Variants in ARMH3 observed in about 807,000 individuals in gnomAD.
The protein encoded by ARMH3 is armadillo like helical domain containing 3.
A neutral mutation model predicts 99.1 loss-of-function variants in ARMH3; 60 were observed. The observed-to-expected ratio is 0.61, with a 90% CI of 0.49 to 0.75. The LOEUF is 0.75. ARMH3 is among the 30% of genes least tolerant of loss of function. The probability of loss-of-function intolerance (pLI) is 0.00; values close to 1 mark genes in which losing one functional copy is unlikely to be tolerated. For synonymous variants in ARMH3, 285 were observed against 292.8 expected (o/e 0.97, Z 0.27); for missense variants, 679 against 843.1 (o/e 0.81, Z 2.41).
At chr10:101,993,627 T>C in intron 16 of ARMH3, 24 bp from the exon 17 acceptor site, 1 of 1,491,556 alleles carries the variant, frequency 6.7e-7, no homozygotes, top group Non-Finnish European at 9.2e-7. Flanking sequence ...AGAGAAAAAG[T>C]AAGAAGCGAG....
At chr10:101,943,661 A>G (rs1844341128) in intron 22 of ARMH3, among the ~76,000 whole-genome samples, 1 of 152,196 alleles carries the variant, frequency 6.6e-6, no homozygotes. Flanking sequence ...AAACATATGA[A>G]CCATAAGAAA....
intron 20 of ARMH3, among the ~76,000 whole-genome samples, chr10:101,974,503 C>T (rs376989428): frequency 1.4e-4 from 21 of 152,166 alleles, no homozygotes; most frequent in Non-Finnish European, 2.6e-4. Context: ...CATGTCTCCT[C>T]TGCTTTCCTG....
At chr10:102,017,054 C>G (rs925285256) in intron 8 of ARMH3, among the ~76,000 whole-genome samples, 2 of 152,262 alleles carry the variant, frequency 1.3e-5, no homozygotes, top group African/African-American at 4.8e-5. Context: ...CTCTCTGTGC[C>G]TCGGTACCTT....
intron 14 of ARMH3, 59 bp from the exon 15 acceptor site, chr10:102,002,131 C>T (rs1268521974): frequency 6.3e-7 from 1 of 1,588,554 alleles, no homozygotes; most frequent in Non-Finnish European, 8.5e-7. Context: ...AACACTTCTA[C>T]CCACATAGCC....
Position 102,033,166 on chromosome 10 carries a change from A to AATTT in ARMH3, c.165_166insAAAT (p.Leu56LysfsTer13). On this transcript the variant is annotated frameshift_variant, in exon 4 of 26. Transcript: ENST00000370033. LOFTEE classifies it high-confidence loss of function. ...TCCAGCTTGCCTTCTAGGTACTCTAAATTCACCTGCCAAGGAAACAAATAA... is the reference window on the plus strand; with the variant it reads ...TCCAGCTTGCCTTCTAGGTACTCTAAATTTATTCACCTGCCAAGGAAACAAATAA... 1 of 1,614,174 alleles carries AATTT rather than the reference A, an allele frequency of 6.2e-7. No homozygotes were observed. Among genetic ancestry groups the AATTT allele is most frequent in the Non-Finnish European group, 8.5e-7 (1 of 1,180,024 alleles).
At chr10:101,938,161 A>C (rs1469252214) in intron 23 of ARMH3, among the ~76,000 whole-genome samples, 1 of 152,198 alleles carries the variant, frequency 6.6e-6, no homozygotes, top group Non-Finnish European at 1.5e-5. Context: ...GAGCCACTGA[A>C]CCTGTCCATG....
intron 24 of ARMH3, among the ~76,000 whole-genome samples, chr10:101,861,130 G>C (rs2066855553): frequency 6.6e-6 from 1 of 152,094 alleles, no homozygotes; most frequent in Admixed American, 6.5e-5. Flanking sequence ...ACATAATAAA[G>C]AGAAAAATGG....
chr10:101,935,972 A>G (rs1041332895), intron 23 of ARMH3, among the ~76,000 whole-genome samples: 2 of 152,212 alleles, frequency 1.3e-5, no homozygotes, highest in African/African-American at 4.8e-5. Context: ...TCATGGGTAT[A>G]TAACACAAGC....
chr10:101,904,030 G>A (rs546948728), intron 23 of ARMH3, among the ~76,000 whole-genome samples: 21 of 152,294 alleles, frequency 1.4e-4, no homozygotes, highest in East Asian at 1.9e-4. Flanking sequence ...CGCCCTCTGC[G>A]GCTGTCAGTC....
intron 22 of ARMH3, among the ~76,000 whole-genome samples, chr10:101,947,508 T>TA (rs112873631): frequency 2.0e-4 from 28 of 141,738 alleles, no homozygotes; most frequent in African/African-American, 4.4e-4. Flanking sequence ...TCCTAAAAAC[T>TA]AAAAAAAAAA....
At chr10:101,952,633 AG>A (rs1844843242) in intron 22 of ARMH3, 1 of 152,240 alleles carries the variant, frequency 6.6e-6, no homozygotes, top group Non-Finnish European at 1.5e-5. Flanking sequence ...AGTAGTAAGA[AG>A]GGGGAAAAGA....
chr10:102,036,629 T>A (rs1564873712), intron 2 of ARMH3, among the ~76,000 whole-genome samples: 1 of 151,844 alleles, frequency 6.6e-6, no homozygotes, highest in Non-Finnish European at 1.5e-5. Context: ...TTAAATGGAT[T>A]AAGGGCGGTG....
At chr10:101,974,090 T>C (rs1845887466) in intron 20 of ARMH3, among the ~76,000 whole-genome samples, 1 of 152,182 alleles carries the variant, frequency 6.6e-6, no homozygotes, top group Non-Finnish European at 1.5e-5. Context: ...TCTCACACAA[T>C]CATACTCTCC....
intron 23 of ARMH3, among the ~76,000 whole-genome samples, chr10:101,906,226 T>C (rs1199501341): frequency 6.6e-6 from 1 of 152,240 alleles, no homozygotes; most frequent in Non-Finnish European, 1.5e-5. Context: ...CAATCAACGT[T>C]GTTGTTTATA....
At chr10:101,926,364 T>A (rs988568285) in intron 23 of ARMH3, among the ~76,000 whole-genome samples, 1 of 152,094 alleles carries the variant, frequency 6.6e-6, no homozygotes, top group African/African-American at 2.4e-5. Context: ...ATTATTTTTT[T>A]ATTTTTTGTA....
intron 24 of ARMH3, among the ~76,000 whole-genome samples, chr10:101,879,014 C>T (rs1254609839): frequency 6.6e-6 from 1 of 152,138 alleles, no homozygotes; most frequent in Non-Finnish European, 1.5e-5. Context: ...AGGCACAGTC[C>T]CCAGACGCCT....
intron 24 of ARMH3, among the ~76,000 whole-genome samples, chr10:101,867,991 AG>A (rs1290129205): frequency 9.9e-5 from 15 of 151,944 alleles, no homozygotes; most frequent in African/African-American, 2.7e-4. Context: ...AAAAAAAAAA[AG>A]AATTGGAAAA....
At chr10:101,938,914 C>T (rs1844116418) in intron 23 of ARMH3, among the ~76,000 whole-genome samples, 1 of 152,184 alleles carries the variant, frequency 6.6e-6, no homozygotes, top group Admixed American at 6.5e-5. Context: ...ACAAATTTCA[C>T]ACTTCTCCTT....
rs376839511 is a variant in ARMH3, at chr10:101,846,892, G to A, written c.*636C>T. 1.4e-4 allele frequency: 21 copies of A among 152,534 alleles called. No homozygotes were observed. Among genetic ancestry groups the A allele is most frequent in the African/African-American group, 7.2e-5 (3 of 41,440 alleles). The allele number at this position is 152,534 out of a possible 1,614,324, so 9.4% of individuals were successfully genotyped here. On this transcript the variant is annotated 3_prime_UTR_variant, in exon 26 of 26. Coordinates refer to ENST00000370033, the MANE Select transcript of ARMH3 (RefSeq NM_024541.3). ...GGAGAATCGCTTGAACCCAGGAAGC[G>A]GAGGCTGCAGTAAAGCCGAGATCAC...
Sources: allele counts gnomAD v4.1 joint callset (sites outside exome capture counted in the v4.1 genomes callset), GRCh38; gene constraint gnomAD v4.1.1; transcripts MANE v1.5; gene names NCBI Gene and HGNC (gene_info 2026-07-23, HGNC 2026-07-21).